The following ZNF81 variants were observed in gnomAD, a reference collection of about 807,000 sequenced individuals.
The protein encoded by ZNF81 is zinc finger protein 81.
A neutral mutation model predicts 32.3 loss-of-function variants in ZNF81; 5 were observed. The observed-to-expected ratio is 0.15, with a 90% CI of 0.08 to 0.33. The LOEUF is 0.33. Among genes scored for constraint, ZNF81 ranks in the 10% least tolerant of loss-of-function variants. The probability of loss-of-function intolerance (pLI) is 1.00; values close to 1 mark genes in which losing one functional copy is unlikely to be tolerated. For synonymous variants in ZNF81, 163 were observed against 166.8 expected (o/e 0.98, Z 0.17); for missense variants, 379 against 479.8 (o/e 0.79, Z 1.96).
intron 2 of ZNF81, among the ~76,000 whole-genome samples, chrX:47,885,642 AG>A (rs1414376749): frequency 2.7e-5 from 3 of 111,671 alleles, no homozygotes; most frequent in African/African-American, 9.8e-5. Context: ...TGTCCTCCAG[AG>A]GGGGTGAATT....
intron 2 of ZNF81, among the ~76,000 whole-genome samples, chrX:47,880,076 T>TG (rs782005612): frequency 8.2e-4 from 92 of 112,408 alleles, no homozygotes; most frequent in South Asian, 2.6e-3. Context: ...TCATAGGTGG[T>TG]GTTGAACACA....
intron 4 of ZNF81, among the ~76,000 whole-genome samples, chrX:47,897,258 T>A (rs781851652): frequency 0.01 from 1,154 of 112,474 alleles, 19 homozygotes; most frequent in African/African-American, 0.036. Flanking sequence ...ACTCTTTTAT[T>A]TTTGCTATTG....
chrX:47,923,861 C>T lies in ZNF81; in HGVS notation c.*7229C>T, dbSNP rs1373904095. 9.0e-6 allele frequency among the ~76,000 whole-genome samples: 1 copy of T among 111,374 alleles called. No homozygotes were observed. The highest frequency in any genetic ancestry group is 1.9e-5 in the Non-Finnish European group (1 of 53,073). ...ACAGTGAAGGACAGATGCAGAGGTA[C>T]CCAGCAGGTTCCAGTTTTTCCTATC... On this transcript the variant is annotated 3_prime_UTR_variant, in exon 5 of 5. Coordinates refer to ENST00000338637, the MANE Select transcript of ZNF81 (RefSeq NM_007137.5).
chrX:47,880,145 G>A (rs1556884980), intron 2 of ZNF81, among the ~76,000 whole-genome samples: 1 of 111,941 alleles, frequency 8.9e-6, no homozygotes, highest in African/African-American at 3.2e-5. Context: ...GTGTTCAGGG[G>A]TTCTCAGCCT....
At chrX:47,841,068 T>C (rs1171911067) in intron 1 of ZNF81, 3 of 864,111 alleles carry the variant, frequency 3.5e-6, no homozygotes, top group Non-Finnish European at 5.1e-6. Context: ...GACGGGCCAC[T>C]GACAGGTGGA....
intron 4 of ZNF81, among the ~76,000 whole-genome samples, chrX:47,904,526 C>T (rs1446976269): frequency 3.7e-5 from 4 of 108,861 alleles, no homozygotes; most frequent in Admixed American, 9.8e-5. Context: ...CCATCTCACA[C>T]CAGTTAGAAT....
At position 47,919,817 on chromosome X, in the gene ZNF81, T is replaced by G. The variant is rs1168513563; in HGVS notation, c.*3185T>G. 1 of 111,237 alleles carries G rather than the reference T, an allele frequency of 9.0e-6. No individual in the cohort carries two copies. The highest frequency in any genetic ancestry group is 1.9e-5 in the Non-Finnish European group (1 of 53,045). 9.2% of individuals were successfully genotyped at this position (111,237 alleles called of 1,213,427 possible). ...AGGATTAGGATTTTAACATATGAAT[T>G]TTGGGGGGGATGCAATCATTCAGCC... On this transcript the variant is annotated 3_prime_UTR_variant, in exon 5 of 5. Coordinates refer to ENST00000338637, the MANE Select transcript of ZNF81 (RefSeq NM_007137.5).
intron 2 of ZNF81, among the ~76,000 whole-genome samples, chrX:47,869,323 G>A (rs782305083): frequency 1.8e-5 from 2 of 111,968 alleles, no homozygotes; most frequent in Admixed American, 1.9e-4. Context: ...CAGATCATGT[G>A]TATTCTGAGG....
chrX:47,865,867 T>A (rs1556883215), intron 2 of ZNF81, among the ~76,000 whole-genome samples: 1 of 111,420 alleles, frequency 9.0e-6, no homozygotes, highest in Non-Finnish European at 1.9e-5. Flanking sequence ...TTCGTCAGAA[T>A]TTACCAGCCA....
At chrX:47,896,931 C>T (rs973234067) in intron 4 of ZNF81, among the ~76,000 whole-genome samples, 2 of 112,406 alleles carry the variant, frequency 1.8e-5, no homozygotes, top group Non-Finnish European at 3.8e-5. Context: ...TTTTGAATGA[C>T]AAATAGTATT....
intron 4 of ZNF81, among the ~76,000 whole-genome samples, chrX:47,900,719 T>G (rs1181562910): frequency 9.0e-6 from 1 of 111,649 alleles, no homozygotes; most frequent in Non-Finnish European, 1.9e-5. Flanking sequence ...CTAGGTTAGA[T>G]TGACACTGGA....
chrX:47,911,212 C>T (rs1246920333), intron 4 of ZNF81, among the ~76,000 whole-genome samples: 1 of 111,103 alleles, frequency 9.0e-6, no homozygotes, highest in Non-Finnish European at 1.9e-5. Flanking sequence ...TTTATCTGTA[C>T]GGTTTCCTTA....
At chrX:47,894,595 T>G (rs1556886918) in intron 3 of ZNF81, among the ~76,000 whole-genome samples, 1 of 111,174 alleles carries the variant, frequency 9.0e-6, no homozygotes, top group Non-Finnish European at 1.9e-5. Flanking sequence ...GAGCATAAGG[T>G]CACAGAGACA....
chrX:47,882,264 C>T (rs1008655478), intron 2 of ZNF81, among the ~76,000 whole-genome samples: 2 of 111,236 alleles, frequency 1.8e-5, no homozygotes, highest in Admixed American at 1.9e-4. Flanking sequence ...AGAAAGTTCC[C>T]TCTTGACCAG....
intron 4 of ZNF81, among the ~76,000 whole-genome samples, chrX:47,910,550 C>T (rs1556889798): frequency 1.8e-5 from 2 of 112,025 alleles, no homozygotes; most frequent in African/African-American, 6.5e-5. Flanking sequence ...CATCTCACAC[C>T]AGTTAGAATG....
chrX:47,855,857 T>C (rs906016819), intron 2 of ZNF81, among the ~76,000 whole-genome samples: 1 of 109,097 alleles, frequency 9.2e-6, no homozygotes, highest in African/African-American at 3.3e-5. Flanking sequence ...GAGACCAGCC[T>C]GGCCAACACA....
rs1445734303 is a variant in ZNF81, at chrX:47,916,917, A to G, written c.*285A>G. ...TAGGAAAAGCCTTCCTATAGAAAGT[A>G]TTATAAGTTAAATTGTTACCAAATT... is the stretch of plus-strand genomic sequence containing the variant. On this transcript the variant is annotated 3_prime_UTR_variant, in exon 5 of 5. Transcript: ENST00000338637. 1 of 284,949 alleles carries G rather than the reference A, an allele frequency of 3.5e-6. No individual in the cohort carries two copies. Among genetic ancestry groups the G allele is most frequent in the East Asian group, 5.3e-5 (1 of 18,846 alleles). 23.5% of individuals were successfully genotyped at this position (284,949 alleles called of 1,213,427 possible). A position where few individuals can be genotyped will look rare whatever the true frequency, so the allele number is the denominator to read the frequency against.
chrX:47,914,601 T>A (rs2058749774), intron 4 of ZNF81, among the ~76,000 whole-genome samples: 1 of 111,946 alleles, frequency 8.9e-6, no homozygotes, highest in African/African-American at 3.2e-5. Flanking sequence ...TGTAGTAGGT[T>A]ATACCATCTG....
intron 2 of ZNF81, among the ~76,000 whole-genome samples, chrX:47,851,565 T>C (rs2313518): frequency 0.43 from 47,961 of 110,780 alleles, 7,813 homozygotes; most frequent in Middle Eastern, 0.61. Context: ...TTTTAAAATT[T>C]CCTTTTCCCA....
Sources: allele counts gnomAD v4.1 joint callset (sites outside exome capture counted in the v4.1 genomes callset), GRCh38; gene constraint gnomAD v4.1.1; transcripts MANE v1.5; gene names NCBI Gene and HGNC (gene_info 2026-07-23, HGNC 2026-07-21).